The following FHIT variants were observed in gnomAD, a reference collection of about 807,000 sequenced individuals.
FHIT encodes fragile histidine triad diadenosine triphosphatase, also known as bis(5'-adenosyl)-triphosphatase.
In FHIT, 19 loss-of-function variants were observed where a neutral mutation model predicts 17.9. The observed-to-expected ratio is 1.06, with a 90% CI of 0.74 to 1.56. The LOEUF is 1.56. Ranked by LOEUF, FHIT falls within the 40% of genes most tolerant of loss-of-function variation. The pLI is 0.00. For missense variants in FHIT, 248 were observed against 189.2 expected (o/e 1.31, Z -1.82); for synonymous variants, 81 against 69.7 (o/e 1.16, Z -0.81).
chr3:59,848,327 T>A (rs1701798966), intron 8 of FHIT, among the ~76,000 whole-genome samples: 1 of 152,060 alleles, frequency 6.6e-6, no homozygotes, highest in African/African-American at 2.4e-5. Context: ...ATTCTGCCAA[T>A]GCAATTGTTA....
chr3:59,840,026 G>A (rs1459894409), intron 8 of FHIT, among the ~76,000 whole-genome samples: 3 of 152,086 alleles, frequency 2.0e-5, no homozygotes, highest in Non-Finnish European at 4.4e-5. Flanking sequence ...TCCCTTCTAA[G>A]TAGCCAGGCT....
chr3:60,223,742 A>G (rs1704064557), intron 5 of FHIT, among the ~76,000 whole-genome samples: 3 of 152,088 alleles, frequency 2.0e-5, no homozygotes, highest in Admixed American at 6.5e-5. Context: ...CTTTCTTAGC[A>G]CCACTGGTTA....
At chr3:59,980,516 A>G (rs142609146) in intron 7 of FHIT, among the ~76,000 whole-genome samples, 349 of 152,274 alleles carry the variant, frequency 2.3e-3, no homozygotes, top group African/African-American at 7.9e-3. Flanking sequence ...GTTTGTCTAT[A>G]TAAGATGGAT....
intron 7 of FHIT, among the ~76,000 whole-genome samples, chr3:59,995,168 G>A (rs1033364427): frequency 2.0e-5 from 3 of 151,458 alleles, no homozygotes; most frequent in East Asian, 1.9e-4. Flanking sequence ...TGCTGCAACC[G>A]GAAATTACAA....
chr3:60,120,940 A>G (rs930888247), intron 5 of FHIT, among the ~76,000 whole-genome samples: 1 of 152,016 alleles, frequency 6.6e-6, no homozygotes. Context: ...CTTTAGGTTT[A>G]TATCATGTGC....
At chr3:60,343,912 G>A (rs1051419025) in intron 5 of FHIT, among the ~76,000 whole-genome samples, 24 of 152,138 alleles carry the variant, frequency 1.6e-4, no homozygotes, top group African/African-American at 5.6e-4. Flanking sequence ...TAAAAATCAT[G>A]TATCACTTTC....
intron 4 of FHIT, among the ~76,000 whole-genome samples, chr3:60,571,335 CAAAAAAAAA>C (rs56094072): frequency 0.13 from 7,086 of 54,128 alleles, 256 homozygotes; most frequent in Middle Eastern, 0.24. Context: ...GACTCCATCG[CAAAAAAAAA>C]AAAAAAAAAA....
chr3:60,774,414 C>T (rs779409344), intron 4 of FHIT, among the ~76,000 whole-genome samples: 5 of 152,126 alleles, frequency 3.3e-5, no homozygotes, highest in East Asian at 1.9e-4. Context: ...AATTGTCCTG[C>T]CTCAGCCTCC....
intron 3 of FHIT, among the ~76,000 whole-genome samples, chr3:60,859,095 T>C (rs569377528): frequency 2.0e-5 from 3 of 152,312 alleles, no homozygotes; most frequent in Non-Finnish European, 4.4e-5. Context: ...ATTTGTGGTA[T>C]TTACAGCTTT....
At chr3:61,078,907 T>A (rs2035048611) in intron 2 of FHIT, among the ~76,000 whole-genome samples, 1 of 152,184 alleles carries the variant, frequency 6.6e-6, no homozygotes, top group African/African-American at 2.4e-5. Context: ...GTTTTTTAAA[T>A]ATAATTTTCA....
intron 2 of FHIT, among the ~76,000 whole-genome samples, chr3:61,064,935 C>T (rs2034550991): frequency 6.6e-6 from 1 of 152,132 alleles, no homozygotes; most frequent in Non-Finnish European, 1.5e-5. Context: ...GGCTATCCAA[C>T]ATCCCAAGCT....
intron 4 of FHIT, among the ~76,000 whole-genome samples, chr3:60,715,946 T>G (rs1553706661): frequency 6.6e-6 from 1 of 152,058 alleles, no homozygotes; most frequent in East Asian, 1.9e-4. Context: ...AGCATTGTGG[T>G]TCTAGATTCA....
At chr3:59,866,174 A>C (rs1356149527) in intron 8 of FHIT, among the ~76,000 whole-genome samples, 1 of 152,150 alleles carries the variant, frequency 6.6e-6, no homozygotes, top group Non-Finnish European at 1.5e-5. Context: ...GAGGACAGGG[A>C]AAGCCTGGCT....
intron 7 of FHIT, among the ~76,000 whole-genome samples, chr3:59,974,906 T>C (rs1425705247): frequency 2.6e-5 from 4 of 152,156 alleles, no homozygotes; most frequent in Admixed American, 2.0e-4. Flanking sequence ...CAGGTTGCAT[T>C]CTACCACGGC....
intron 4 of FHIT, among the ~76,000 whole-genome samples, chr3:60,762,789 G>C: frequency 6.6e-6 from 1 of 152,264 alleles, no homozygotes; most frequent in Non-Finnish European, 1.5e-5. Flanking sequence ...CTTAGAAAAA[G>C]AGTAGCATCC....
chr3:59,757,640 CG>C (rs998009116), intron 8 of FHIT, among the ~76,000 whole-genome samples: 1 of 152,092 alleles, frequency 6.6e-6, no homozygotes, highest in Non-Finnish European at 1.5e-5. Flanking sequence ...TGTCTTCAAA[CG>C]GGGGAAAACT....
intron 4 of FHIT, among the ~76,000 whole-genome samples, chr3:60,543,237 G>C (rs111743571): frequency 3.3e-5 from 5 of 152,132 alleles, no homozygotes; most frequent in African/African-American, 1.2e-4. Context: ...TGAATAAACA[G>C]GCAGCAGCCC....
chr3:61,044,659 C>T (rs570220784), intron 2 of FHIT, among the ~76,000 whole-genome samples: 1 of 152,258 alleles, frequency 6.6e-6, no homozygotes, highest in Admixed American at 6.5e-5. Flanking sequence ...TCGAGAAGAG[C>T]AAATCCAAGA....
chr3:60,766,163 G>A (rs782671137), intron 4 of FHIT, among the ~76,000 whole-genome samples: 1 of 152,008 alleles, frequency 6.6e-6, no homozygotes, highest in Non-Finnish European at 1.5e-5. Context: ...TACTTGTTCT[G>A]TCCCTCTGGA....
Sources: allele counts gnomAD v4.1 joint callset (sites outside exome capture counted in the v4.1 genomes callset), GRCh38; gene constraint gnomAD v4.1.1; transcripts MANE v1.5; gene names NCBI Gene and HGNC (gene_info 2026-07-23, HGNC 2026-07-21).